WDR49: variants seen among roughly 807,000 people sequenced by gnomAD.
WDR49 encodes cilia- and flagella-associated protein 337.
Under a neutral mutation model 119.5 loss-of-function variants are expected in WDR49, and 107 were observed. The ratio of observed to expected loss-of-function variants is 0.90; its 90% CI spans 0.77 to 1.05. WDR49 has a LOEUF of 1.05. Among genes scored for constraint, WDR49 ranks in the 50% least tolerant of loss-of-function variants. The probability of loss-of-function intolerance (pLI) is 0.00; values close to 1 mark genes in which losing one functional copy is unlikely to be tolerated. For synonymous variants in WDR49, 425 were observed against 418.8 expected (o/e 1.01, Z -0.18); for missense variants, 1,240 against 1,220.5 (o/e 1.02, Z -0.24).
intron 10 of WDR49, among the ~76,000 whole-genome samples, chr3:167,543,764 C>A (rs768791081): frequency 8.6e-5 from 13 of 151,882 alleles, no homozygotes; most frequent in Non-Finnish European, 1.6e-4. Context: ...CACGTCTATT[C>A]AACATAGTAC....
chr3:167,621,384 A>C (rs1366570239), intron 4 of WDR49, 83 bp downstream of exon 4: 3 of 1,318,294 alleles, frequency 2.3e-6, no homozygotes, highest in East Asian at 5.2e-5. Context: ...TGGAGGTCAC[A>C]CTCATTGCAT....
At chr3:167,630,040 G>C (rs1389102530) in intron 2 of WDR49, among the ~76,000 whole-genome samples, 1 of 152,146 alleles carries the variant, frequency 6.6e-6, no homozygotes, top group Admixed American at 6.5e-5. Flanking sequence ...GGCAAGTTTT[G>C]AGAGTATTGA....
intron 10 of WDR49, among the ~76,000 whole-genome samples, chr3:167,552,867 C>A (rs529990182): frequency 2.0e-5 from 3 of 152,132 alleles, no homozygotes; most frequent in East Asian, 1.9e-4. Flanking sequence ...ATTATCGAAC[C>A]AATCTCTGTA....
At position 167,589,914 on chromosome 3, in the gene WDR49, C is replaced by T. The variant is rs572998147; in HGVS notation, c.1275+12213G>A. 3.2e-4 allele frequency among the ~76,000 whole-genome samples: 49 copies of T among 152,034 alleles called. 1 individual carries two copies. The South Asian group carries it at 1.0e-2, about 31-fold the overall frequency. On this transcript the variant is annotated intron_variant, in intron 7 of 18. Transcript: ENST00000682715. ...ATTTGGATGCCCTTTTTATATTTCT[C>T]TTGTCTGATTATTCTAGCTAGGACT...
chr3:167,516,742 T>C (rs998771537), intron 16 of WDR49, among the ~76,000 whole-genome samples: 1 of 152,168 alleles, frequency 6.6e-6, no homozygotes, highest in African/African-American at 2.4e-5. Flanking sequence ...AACGACCTTC[T>C]GCACAGCAAA....
At position 167,627,075 on chromosome 3, in the gene WDR49, TG is replaced by T; in HGVS notation, c.382del (p.Gln128SerfsTer10). On this transcript the variant is annotated frameshift_variant, in exon 3 of 19. Coordinates refer to ENST00000682715, the MANE Select transcript of WDR49 (RefSeq NM_001366157.1). LOFTEE classifies it high-confidence loss of function. ...DERAKATVVP[Q>X]WKDLEFLPVK... Reference sequence around the variant, plus strand: ...TGGGAGGAATTCAAGGTCCTTCCACTGGGGCACCACAGTTGCCTTTGCTCGT... The same window carrying T: ...TGGGAGGAATTCAAGGTCCTTCCACTGGGCACCACAGTTGCCTTTGCTCGT... 1 of 1,297,130 alleles carries T rather than the reference TG, an allele frequency of 7.7e-7. No individual in the cohort carries two copies. The highest frequency in any genetic ancestry group is 2.7e-5 in the South Asian group (1 of 36,376). The allele number at this position is 1,297,130 out of a possible 1,614,324, so 80.4% of individuals were successfully genotyped here. A position where few individuals can be genotyped will look rare whatever the true frequency, so the allele number is the denominator to read the frequency against.
intron 18 of WDR49, among the ~76,000 whole-genome samples, chr3:167,497,786 C>T (rs777067539): frequency 1.3e-5 from 2 of 152,020 alleles, no homozygotes; most frequent in Non-Finnish European, 2.9e-5. Context: ...ACAACTTTGT[C>T]CTATGTCTGG....
At chr3:167,534,660 G>A (rs1231707650) in intron 11 of WDR49, among the ~76,000 whole-genome samples, 2 of 151,868 alleles carry the variant, frequency 1.3e-5, no homozygotes, top group South Asian at 2.1e-4. Context: ...GACATTTTTG[G>A]TTCTATAAAA....
At chr3:167,546,905 C>G (rs1465931618) in intron 10 of WDR49, among the ~76,000 whole-genome samples, 1 of 151,650 alleles carries the variant, frequency 6.6e-6, no homozygotes, top group Admixed American at 6.6e-5. Context: ...GCTTTTTAGG[C>G]TTAAAAAGGG....
intron 16 of WDR49, among the ~76,000 whole-genome samples, chr3:167,507,169 G>T (rs1226334387): frequency 1.3e-5 from 2 of 152,082 alleles, no homozygotes; most frequent in Non-Finnish European, 2.9e-5. Context: ...GAGGGGATGG[G>T]GGGGTAGTTA....
At chr3:167,616,622 TA>T (rs935167324) in intron 5 of WDR49, among the ~76,000 whole-genome samples, 6 of 147,352 alleles carry the variant, frequency 4.1e-5, no homozygotes, top group Admixed American at 1.3e-4. Flanking sequence ...AGAGTCCTAT[TA>T]AAAAAAAGAG....
intron 8 of WDR49, among the ~76,000 whole-genome samples, chr3:167,571,024 C>CA (rs202109133): frequency 0.031 from 2,607 of 84,198 alleles, 48 homozygotes; most frequent in African/African-American, 0.065. Context: ...GACTCCATCT[C>CA]AAAAAAAAAA....
At chr3:167,499,702 G>A (rs908149318) in intron 18 of WDR49, among the ~76,000 whole-genome samples, 2 of 152,092 alleles carry the variant, frequency 1.3e-5, no homozygotes, top group African/African-American at 4.8e-5. Flanking sequence ...CACCACACCA[G>A]CCTACCACTG....
intron 2 of WDR49, among the ~76,000 whole-genome samples, chr3:167,629,435 A>C (rs930865851): frequency 2.0e-5 from 3 of 152,114 alleles, no homozygotes; most frequent in Admixed American, 6.6e-5. Context: ...CTGGTGGCTC[A>C]AGAGCTCCAA....
chr3:167,593,366 T>G (rs1214116557), intron 7 of WDR49, among the ~76,000 whole-genome samples: 1 of 151,834 alleles, frequency 6.6e-6, no homozygotes, highest in African/African-American at 2.4e-5. Context: ...TTCCTTCTTC[T>G]GCTTGATTGA....
chr3:167,590,708 A>G (rs551949864), intron 7 of WDR49, among the ~76,000 whole-genome samples: 1 of 152,194 alleles, frequency 6.6e-6, no homozygotes, highest in East Asian at 1.9e-4. Context: ...CATAGTAGCC[A>G]TTAATAATCA....
At chr3:167,573,605 G>A (rs1040510211) in intron 8 of WDR49, among the ~76,000 whole-genome samples, 4 of 152,056 alleles carry the variant, frequency 2.6e-5, no homozygotes, top group East Asian at 1.9e-4. Flanking sequence ...ACTTTTGAGA[G>A]AGTGAAAGTT....
upstream of WDR49, among the ~76,000 whole-genome samples, chr3:167,657,567 G>C (rs1365056553): frequency 7.0e-6 from 1 of 142,396 alleles, no homozygotes; most frequent in African/African-American, 2.7e-5. Flanking sequence ...CCAACATATA[G>C]ATCTCCCTTT....
At chr3:167,623,039 T>C (rs1173079018) in intron 3 of WDR49, among the ~76,000 whole-genome samples, 4 of 151,906 alleles carry the variant, frequency 2.6e-5, no homozygotes, top group Non-Finnish European at 5.9e-5. Flanking sequence ...ATTAAATTAA[T>C]AGTCAAAAAA....
Sources: gnomAD v4.1 joint callset for allele counts (sites outside exome capture counted in the v4.1 genomes callset) on GRCh38, gnomAD v4.1.1 for gene constraint, MANE v1.5 for transcripts, NCBI Gene and HGNC (gene_info 2026-07-23, HGNC 2026-07-21) for gene names.